The following WWOX variants were observed in gnomAD, a reference collection of about 807,000 sequenced individuals.
The protein encoded by WWOX is WW domain-containing oxidoreductase.
In WWOX, 69 loss-of-function variants were observed where a neutral mutation model predicts 46.2. The ratio of observed to expected loss-of-function variants is 1.49; its 90% CI spans 1.23 to 1.82. The LOEUF (loss-of-function observed/expected upper bound fraction) is 1.82, where lower values mean the gene tolerates loss of function less well. Among genes scored for constraint, WWOX ranks in the 40% most tolerant of loss-of-function variants. The pLI, the probability that WWOX is intolerant of heterozygous loss-of-function variation, is 0.00. For missense variants in WWOX, 919 were observed against 542.6 expected, an observed-to-expected ratio of 1.69 and a Z score of -6.89; for synonymous variants, 359 against 202.6, an observed-to-expected ratio of 1.77 and a Z score of -6.56.
At chr16:79,201,791 ATAAC>A (rs1713497776) in intron 8 of WWOX, among the ~76,000 whole-genome samples, 1 of 101,366 alleles carries the variant, frequency 9.9e-6, no homozygotes, top group Admixed American at 8.5e-5. Flanking sequence ...AAACAAAAAG[ATAAC>A]TAAATTGAAA....
intron 5 of WWOX, among the ~76,000 whole-genome samples, chr16:78,377,244 C>G (rs756649894): frequency 1.4e-4 from 21 of 152,268 alleles, no homozygotes; most frequent in African/African-American, 4.3e-4. Context: ...GCAGTACTTG[C>G]ATAAGATATA....
intron 8 of WWOX, among the ~76,000 whole-genome samples, chr16:78,829,892 C>T (rs775756622): frequency 1.2e-4 from 19 of 152,224 alleles, no homozygotes; most frequent in East Asian, 1.9e-4. Context: ...AGAGCAACCC[C>T]GCCTCTTCTA....
chr16:78,946,192 C>G (rs550628942), intron 8 of WWOX, among the ~76,000 whole-genome samples: 18 of 152,118 alleles, frequency 1.2e-4, no homozygotes, highest in African/African-American at 3.1e-4. Flanking sequence ...TTTGTTGTTT[C>G]TTTTGTTTTT....
intron 5 of WWOX, chr16:78,265,018 T>C (rs1348987196): frequency 2.2e-5 from 3 of 134,290 alleles, no homozygotes; most frequent in Non-Finnish European, 4.8e-5. Flanking sequence ...TTTTTTTTTT[T>C]CAGACAGAAT....
intron 5 of WWOX, among the ~76,000 whole-genome samples, chr16:78,373,554 T>G (rs1393787793): frequency 1.3e-5 from 2 of 152,194 alleles, no homozygotes; most frequent in African/African-American, 4.8e-5. Flanking sequence ...CTCTTTTTCC[T>G]ATGCTGTGGA....
chr16:78,625,228 A>G (rs944688332), intron 8 of WWOX, among the ~76,000 whole-genome samples: 3 of 152,124 alleles, frequency 2.0e-5, no homozygotes, highest in African/African-American at 7.2e-5. Flanking sequence ...GGCTGGGGTC[A>G]CCGGGGTCGC....
chr16:78,592,475 C>A (rs1039770592), intron 8 of WWOX, among the ~76,000 whole-genome samples: 1 of 152,160 alleles, frequency 6.6e-6, no homozygotes, highest in Non-Finnish European at 1.5e-5. Context: ...CCATAGGACG[C>A]AGAGTTATTC....
chr16:78,101,517 C>T (rs1025261265), intron 1 of WWOX, among the ~76,000 whole-genome samples: 4 of 152,034 alleles, frequency 2.6e-5, no homozygotes, highest in South Asian at 4.2e-4. Context: ...TGGCTAATTT[C>T]GCGCTGTTGG....
rs185732299 is a variant in WWOX at position 78,374,131 on chromosome 16, T to A, written c.517-12729T>A. ...TGATAGAATTTCTTTTTATCTGAGT[T>A]ACTCCATACATCATTTTTTCTCCCT... is the stretch of plus-strand genomic sequence containing the variant. On this transcript the variant is annotated intron_variant, in intron 5 of 8. Coordinates refer to ENST00000566780, the MANE Select transcript of WWOX (RefSeq NM_016373.4). Among the ~76,000 whole-genome samples, 147 of 152,356 alleles carry A rather than the reference T, an allele frequency of 9.6e-4. 1 individual carries two copies. The highest frequency in any genetic ancestry group is 3.4e-3 in the African/African-American group (141 of 41,592).
At chr16:78,521,148 T>A (rs2043340236) in intron 8 of WWOX, among the ~76,000 whole-genome samples, 1 of 152,180 alleles carries the variant, frequency 6.6e-6, no homozygotes, top group Non-Finnish European at 1.5e-5. Context: ...ATAACTTAAT[T>A]CTTCATTCCA....
At chr16:78,678,724 G>A (rs923098989) in intron 8 of WWOX, among the ~76,000 whole-genome samples, 2 of 152,152 alleles carry the variant, frequency 1.3e-5, no homozygotes, top group South Asian at 2.1e-4. Flanking sequence ...TTTGACGGAG[G>A]GCTGGAAGGG....
intron 8 of WWOX, among the ~76,000 whole-genome samples, chr16:79,031,836 T>C (rs1214366051): frequency 7.1e-6 from 1 of 141,160 alleles, no homozygotes; most frequent in Non-Finnish European, 1.5e-5. Flanking sequence ...ATATGATATA[T>C]ATATCTTATT....
At chr16:79,132,080 G>A (rs543359829) in intron 8 of WWOX, among the ~76,000 whole-genome samples, 1 of 151,422 alleles carries the variant, frequency 6.6e-6, no homozygotes, top group East Asian at 1.9e-4. Context: ...GATTTGGGTG[G>A]GGACACAGAG....
At chr16:78,920,437 C>T (rs1022833704) in intron 8 of WWOX, among the ~76,000 whole-genome samples, 1 of 152,192 alleles carries the variant, frequency 6.6e-6, no homozygotes, top group East Asian at 1.9e-4. Flanking sequence ...TCCCAGCCAC[C>T]TATGGTTCTT....
intron 8 of WWOX, among the ~76,000 whole-genome samples, chr16:78,834,896 A>C (rs1309496477): frequency 6.6e-6 from 1 of 152,234 alleles, no homozygotes; most frequent in African/African-American, 2.4e-5. Flanking sequence ...TGTAATAATC[A>C]TGCGTACCAC....
intron 2 of WWOX, 86 bp from the exon 3 acceptor site, chr16:78,109,692 G>A (rs1012824345): frequency 1.4e-6 from 2 of 1,411,280 alleles, no homozygotes; most frequent in East Asian, 4.6e-5. Flanking sequence ...TTGGGGGCGG[G>A]GCTGGGAGGG....
intron 8 of WWOX, among the ~76,000 whole-genome samples, chr16:78,715,777 G>A (rs1016519838): frequency 6.6e-6 from 1 of 152,082 alleles, no homozygotes; most frequent in Non-Finnish European, 1.5e-5. Context: ...GTGCCCAGCC[G>A]TGTCTGACCA....
At chr16:79,098,685 C>T (rs1028740649) in intron 8 of WWOX, among the ~76,000 whole-genome samples, 6 of 152,158 alleles carry the variant, frequency 3.9e-5, no homozygotes, top group African/African-American at 1.4e-4. Context: ...AGGAATTGCA[C>T]ACAATACATG....
intron 8 of WWOX, among the ~76,000 whole-genome samples, chr16:78,706,274 G>A (rs149690689): frequency 1.3e-5 from 2 of 151,914 alleles, no homozygotes; most frequent in Non-Finnish European, 2.9e-5. Context: ...TTGTCTGTCT[G>A]TGTCTGTCAG....
Sources: gnomAD v4.1 joint callset for allele counts (sites outside exome capture counted in the v4.1 genomes callset) on GRCh38, gnomAD v4.1.1 for gene constraint, MANE v1.5 for transcripts, NCBI Gene and HGNC (gene_info 2026-07-23, HGNC 2026-07-21) for gene names.